Variants in IQCM observed in about 807,000 individuals in gnomAD.
IQCM encodes the protein IQ domain-containing protein M.
Under a neutral mutation model 57.6 loss-of-function variants are expected in IQCM, and 45 were observed. The observed-to-expected ratio is 0.78, with a 90% CI of 0.62 to 1.00. The LOEUF is 1.00. Ranked by LOEUF, IQCM falls within the 50% of genes least tolerant of loss-of-function variation. The pLI, the probability that IQCM is intolerant of heterozygous loss-of-function variation, is 0.00. For missense variants in IQCM, 468 were observed against 511.6 expected (o/e 0.91, Z 0.82); for synonymous variants, 148 against 158.9 (o/e 0.93, Z 0.51).
At chr4:149,676,550 C>A (rs1761767074) in intron 7 of IQCM, among the ~76,000 whole-genome samples, 1 of 152,016 alleles carries the variant, frequency 6.6e-6, no homozygotes, top group African/African-American at 2.4e-5. Flanking sequence ...CCCCCCTCTA[C>A]CCAATGAAGA....
chr4:149,546,551 T>C (rs1486799532), intron 12 of IQCM, among the ~76,000 whole-genome samples: 3 of 152,242 alleles, frequency 2.0e-5, no homozygotes, highest in African/African-American at 4.8e-5. Context: ...GGTTTTGATA[T>C]GCATTTCTCT....
chr4:149,617,516 T>G (rs2150066399), intron 8 of IQCM, among the ~76,000 whole-genome samples: 1 of 152,184 alleles, frequency 6.6e-6, no homozygotes, highest in South Asian at 2.1e-4. Flanking sequence ...ATATAAACCT[T>G]TATTACCTCT....
chr4:149,698,468 T>C (rs962557877), intron 5 of IQCM, among the ~76,000 whole-genome samples: 1 of 152,104 alleles, frequency 6.6e-6, no homozygotes, highest in East Asian at 1.9e-4. Flanking sequence ...TGCTTAAGAA[T>C]ATAAAGTTCT....
At chr4:149,734,750 C>T (rs1461211982) in intron 4 of IQCM, among the ~76,000 whole-genome samples, 2 of 152,084 alleles carry the variant, frequency 1.3e-5, no homozygotes, top group Non-Finnish European at 2.9e-5. Flanking sequence ...TAGATGCTCT[C>T]CTCCAAAATG....
At chr4:149,648,127 T>G (rs1758811786) in intron 7 of IQCM, among the ~76,000 whole-genome samples, 1 of 152,174 alleles carries the variant, frequency 6.6e-6, no homozygotes, top group East Asian at 1.9e-4. Context: ...ATCTTCTCAT[T>G]TATTTATTTA....
intron 7 of IQCM, among the ~76,000 whole-genome samples, chr4:149,658,613 A>G (rs1759856033): frequency 6.6e-6 from 1 of 152,098 alleles, no homozygotes; most frequent in African/African-American, 2.4e-5. Flanking sequence ...ATTCATGAAC[A>G]TGGGATATCT....
chr4:149,406,783 C>G (rs1733009305), intron 13 of IQCM, among the ~76,000 whole-genome samples: 1 of 152,120 alleles, frequency 6.6e-6, no homozygotes, highest in African/African-American at 2.4e-5. Flanking sequence ...TGTTAGTTAT[C>G]TAGATAATTA....
intron 2 of IQCM, among the ~76,000 whole-genome samples, chr4:149,800,303 C>T (rs1773490349): frequency 6.6e-6 from 1 of 151,746 alleles, no homozygotes; most frequent in South Asian, 2.1e-4. Context: ...AACATTACTT[C>T]ATAAATAAAA....
chr4:149,407,440 T>C (rs914561209), intron 13 of IQCM, among the ~76,000 whole-genome samples: 1 of 152,166 alleles, frequency 6.6e-6, no homozygotes, highest in Non-Finnish European at 1.5e-5. Context: ...GTATACAATG[T>C]ATTCAACAGG....
chr4:149,574,332 C>G (rs1751445621), intron 9 of IQCM, among the ~76,000 whole-genome samples: 1 of 151,800 alleles, frequency 6.6e-6, no homozygotes, highest in African/African-American at 2.4e-5. Context: ...CCATACAACT[C>G]TTAAAAAATC....
intron 9 of IQCM, among the ~76,000 whole-genome samples, chr4:149,574,701 T>C (rs1365165531): frequency 6.6e-6 from 1 of 151,964 alleles, no homozygotes; most frequent in African/African-American, 2.4e-5. Context: ...TATGATAATA[T>C]ATATTAAACA....
intron 2 of IQCM, among the ~76,000 whole-genome samples, chr4:149,813,260 T>C (rs1316791009): frequency 6.6e-6 from 1 of 152,134 alleles, no homozygotes; most frequent in Non-Finnish European, 1.5e-5. Flanking sequence ...AAAGAGGTTG[T>C]CAGTTTCCCA....
chr4:149,696,139 G>T (rs780092927), intron 5 of IQCM, among the ~76,000 whole-genome samples: 1 of 151,722 alleles, frequency 6.6e-6, no homozygotes, highest in Non-Finnish European at 1.5e-5. Context: ...TTTTTTCGTC[G>T]CTACACTCCC....
At chr4:149,481,343 A>C (rs533425823) in intron 12 of IQCM, among the ~76,000 whole-genome samples, 1 of 152,088 alleles carries the variant, frequency 6.6e-6, no homozygotes, top group African/African-American at 2.4e-5. Context: ...CCAATGTCTT[A>C]GAGATTTTCC....
chr4:149,400,052 T>A (rs747385875), intron 13 of IQCM, among the ~76,000 whole-genome samples: 3 of 152,000 alleles, frequency 2.0e-5, no homozygotes, highest in Non-Finnish European at 4.4e-5. Context: ...TTATCAATAC[T>A]TTTGTTGCTT....
chr4:149,433,368 C>T, intron 13 of IQCM, 28 bp downstream of exon 13: 1 of 1,026,608 alleles, frequency 9.7e-7, no homozygotes, highest in Non-Finnish European at 1.2e-6. Context: ...TTCTTCTTTA[C>T]AATAAAAAAT....
intron 12 of IQCM, among the ~76,000 whole-genome samples, chr4:149,524,292 T>C (rs1425634742): frequency 6.6e-6 from 1 of 152,054 alleles, no homozygotes; most frequent in Non-Finnish European, 1.5e-5. Flanking sequence ...TCTGGGGCAA[T>C]GAAAATGTTC....
intron 12 of IQCM, among the ~76,000 whole-genome samples, chr4:149,495,960 G>A (rs1345255422): frequency 6.6e-6 from 1 of 152,070 alleles, no homozygotes; most frequent in Non-Finnish European, 1.5e-5. Flanking sequence ...TGAGTATTGT[G>A]TGTTTCACCA....
At chr4:149,730,167 C>T (rs1182588847) in intron 5 of IQCM, among the ~76,000 whole-genome samples, 2 of 152,158 alleles carry the variant, frequency 1.3e-5, no homozygotes, top group African/African-American at 2.4e-5. Flanking sequence ...TAGTGTAAAC[C>T]ACTAACCCAC....
Sources: allele counts gnomAD v4.1 joint callset (sites outside exome capture counted in the v4.1 genomes callset), GRCh38; gene constraint gnomAD v4.1.1; transcripts MANE v1.5; gene names NCBI Gene and HGNC (gene_info 2026-07-23, HGNC 2026-07-21).